Variants in MLLT3 observed in about 807,000 individuals in gnomAD.
The protein encoded by MLLT3 is protein AF-9.
A neutral mutation model predicts 53.2 loss-of-function variants in MLLT3; 4 were observed. The observed-to-expected ratio is 0.08, with a 90% confidence interval of 0.04 to 0.17. The LOEUF is 0.17. MLLT3 is among the 10% of genes least tolerant of loss of function. The pLI is 1.00. For missense variants in MLLT3, 569 were observed against 684.0 expected, an observed-to-expected ratio of 0.83 and a Z score of 1.87; for synonymous variants, 283 against 230.6, an observed-to-expected ratio of 1.23 and a Z score of -2.06.
At chr9:20,422,717 T>C (rs1316388868) in intron 4 of MLLT3, among the ~76,000 whole-genome samples, 1 of 151,806 alleles carries the variant, frequency 6.6e-6, no homozygotes, top group Non-Finnish European at 1.5e-5. Context: ...CCGCAAAGAG[T>C]AGTGACATCT....
At chr9:20,556,732 A>T (rs1239606104) in intron 2 of MLLT3, among the ~76,000 whole-genome samples, 1 of 152,152 alleles carries the variant, frequency 6.6e-6, no homozygotes, top group Non-Finnish European at 1.5e-5. Flanking sequence ...AAGATAACAA[A>T]AGAGTTCAAG....
intron 2 of MLLT3, among the ~76,000 whole-genome samples, chr9:20,565,679 T>C (rs1819335955): frequency 6.6e-6 from 1 of 151,474 alleles, no homozygotes; most frequent in Admixed American, 6.6e-5. Flanking sequence ...TTAAATATAT[T>C]GAAACTAATA....
intron 9 of MLLT3, among the ~76,000 whole-genome samples, chr9:20,354,562 G>A (rs908633089): frequency 1.8e-4 from 28 of 152,198 alleles, no homozygotes; most frequent in Admixed American, 7.9e-4. Flanking sequence ...CAATGTGCCT[G>A]AAATCCCTTG....
chr9:20,436,720 A>G (rs1211742340), intron 4 of MLLT3, among the ~76,000 whole-genome samples: 1 of 152,198 alleles, frequency 6.6e-6, no homozygotes, highest in East Asian at 1.9e-4. Flanking sequence ...TTGATGCCTT[A>G]GTTTACTCAT....
At chr9:20,588,799 T>C (rs562095195) in intron 2 of MLLT3, among the ~76,000 whole-genome samples, 25 of 152,326 alleles carry the variant, frequency 1.6e-4, no homozygotes, top group South Asian at 8.3e-4. Flanking sequence ...CAGGGACAAT[T>C]TGACTTCCTC....
chr9:20,477,906 C>A (rs1012833973), intron 2 of MLLT3, among the ~76,000 whole-genome samples: 2 of 152,230 alleles, frequency 1.3e-5, no homozygotes, highest in Non-Finnish European at 2.9e-5. Flanking sequence ...TTAACCAATA[C>A]TGGATTTAAC....
At position 20,470,426 on chromosome 9, in the gene MLLT3, T is replaced by C. The variant is rs957528341; in HGVS notation, c.194-13640A>G. 2.0e-5 allele frequency among the ~76,000 whole-genome samples: 3 copies of C among 152,024 alleles called. No individual in the cohort carries two copies. In the East Asian group the frequency reaches 5.8e-4, roughly 29 times the overall value. ...CATTTCGTATGTTGAAAACCCACTATCTAATTTAATTTTCCCTCCTAAATA... is the reference window on the plus strand; with the variant it reads ...CATTTCGTATGTTGAAAACCCACTACCTAATTTAATTTTCCCTCCTAAATA... On this transcript the variant is annotated intron_variant, in intron 2 of 10. Transcript: ENST00000380338.
chr9:20,621,167 A>G lies in MLLT3; in HGVS notation c.13-333T>C, dbSNP rs1187129166. Among the ~76,000 whole-genome samples, 2 of 152,234 alleles carry G rather than the reference A, an allele frequency of 1.3e-5. No homozygotes were observed. Among genetic ancestry groups the G allele is most frequent in the Non-Finnish European group, 2.9e-5 (2 of 68,040 alleles). On this transcript the variant is annotated intron_variant, in intron 1 of 10. Coordinates refer to ENST00000380338, the MANE Select transcript of MLLT3 (RefSeq NM_004529.4). The surrounding 1 kb of genome is among the most constrained non-coding windows in gnomAD (Gnocchi z 7.0). Reference sequence around the variant, plus strand: ...ACAAGCACGACAACAAATGCATCGGAAACAAATCAGAAGGCGATGCCGGGG... The same window carrying G: ...ACAAGCACGACAACAAATGCATCGGGAACAAATCAGAAGGCGATGCCGGGG...
chr9:20,506,407 T>C lies in MLLT3; in HGVS notation c.194-49621A>G, dbSNP rs568004631. Among the ~76,000 whole-genome samples, 12 of 152,260 alleles carry C rather than the reference T, an allele frequency of 7.9e-5. No individual in the cohort carries two copies. The East Asian group carries it at 2.3e-3, about 29-fold the overall frequency. On this transcript the variant is annotated intron_variant, in intron 2 of 10. Transcript: ENST00000380338. ...CACTGGTTAGACTGCTGGCTCTCCC[T>C]TTCCTCTGCAGCCTCTCCATCCTGA...
At chr9:20,561,512 G>C (rs1305270529) in intron 2 of MLLT3, among the ~76,000 whole-genome samples, 1 of 152,170 alleles carries the variant, frequency 6.6e-6, no homozygotes, top group Non-Finnish European at 1.5e-5. Flanking sequence ...CGTCCTTATA[G>C]CAAAAGACAA....
intron 2 of MLLT3, among the ~76,000 whole-genome samples, chr9:20,576,619 T>C (rs1819660224): frequency 6.6e-6 from 1 of 152,148 alleles, no homozygotes. Context: ...ATATATCTAG[T>C]TCGCCATCTT....
chr9:20,460,187 G>A (rs974714386), intron 2 of MLLT3, among the ~76,000 whole-genome samples: 1 of 152,150 alleles, frequency 6.6e-6, no homozygotes, highest in Non-Finnish European at 1.5e-5. Flanking sequence ...TCTTCATTGA[G>A]AGTCTCTTCT....
intron 5 of MLLT3, among the ~76,000 whole-genome samples, chr9:20,368,154 C>A (rs1023623586): frequency 6.6e-4 from 100 of 152,194 alleles, no homozygotes; most frequent in African/African-American, 2.3e-3. Context: ...TTGGTTTACA[C>A]GTACAAATGC....
intron 5 of MLLT3, among the ~76,000 whole-genome samples, chr9:20,412,831 G>A (rs1355296711): frequency 6.6e-6 from 1 of 152,140 alleles, no homozygotes; most frequent in South Asian, 2.1e-4. Context: ...CTTCAAAAAC[G>A]TTATCAAATA....
At chr9:20,517,931 G>A (rs772248399) in intron 2 of MLLT3, among the ~76,000 whole-genome samples, 1 of 152,058 alleles carries the variant, frequency 6.6e-6, no homozygotes, top group East Asian at 1.9e-4. Context: ...AGGCATAGAA[G>A]GCAACTCACA....
At chr9:20,425,450 G>A (rs1041124521) in intron 4 of MLLT3, among the ~76,000 whole-genome samples, 2 of 151,964 alleles carry the variant, frequency 1.3e-5, no homozygotes, top group African/African-American at 2.4e-5. Flanking sequence ...AAATATCTTC[G>A]ACTTCACAAA....
At chr9:20,615,747 C>T (rs950928959) in intron 2 of MLLT3, among the ~76,000 whole-genome samples, 4 of 151,570 alleles carry the variant, frequency 2.6e-5, no homozygotes, top group South Asian at 4.2e-4. Flanking sequence ...GTGCCTTTTT[C>T]CTTCCCATTC....
At chr9:20,420,948 T>A (rs186763721) in intron 4 of MLLT3, among the ~76,000 whole-genome samples, 2 of 152,150 alleles carry the variant, frequency 1.3e-5, no homozygotes, top group African/African-American at 4.8e-5. Context: ...ATAGATTACA[T>A]TGGCTACCCT....
chr9:20,454,215 A>C (rs1432554257), intron 3 of MLLT3, among the ~76,000 whole-genome samples: 2 of 151,958 alleles, frequency 1.3e-5, no homozygotes, highest in Non-Finnish European at 2.9e-5. Flanking sequence ...CTGTTCCATG[A>C]ATTTCAAGAA....
Sources: allele counts gnomAD v4.1 joint callset (sites outside exome capture counted in the v4.1 genomes callset), GRCh38; gene constraint gnomAD v4.1.1; non-coding constraint Gnocchi (gnomAD v3.1); transcripts MANE v1.5; gene names NCBI Gene and HGNC (gene_info 2026-07-23, HGNC 2026-07-21).